Variants in EYA1 observed in about 807,000 individuals in gnomAD.
EYA1 encodes the protein protein phosphatase EYA1.
EYA1 carries 16 observed loss-of-function variants against 82.0 expected under a neutral mutation model. That is an observed-to-expected ratio of 0.20 (90% CI 0.13 to 0.30). The LOEUF (loss-of-function observed/expected upper bound fraction) is 0.30, where lower values mean the gene tolerates loss of function less well. Ranked by LOEUF, EYA1 falls within the 10% of genes least tolerant of loss-of-function variation. The probability of loss-of-function intolerance (pLI) is 1.00; values close to 1 mark genes in which losing one functional copy is unlikely to be tolerated. For synonymous variants in EYA1, 261 were observed against 264.4 expected, an observed-to-expected ratio of 0.99 and a Z score of 0.12; for missense variants, 633 against 730.7, an observed-to-expected ratio of 0.87 and a Z score of 1.54.
intron 1 of EYA1, among the ~76,000 whole-genome samples, chr8:71,539,411 G>A (rs1814970701): frequency 6.6e-6 from 1 of 152,168 alleles, no homozygotes; most frequent in Non-Finnish European, 1.5e-5. Flanking sequence ...ACAGCTCCAG[G>A]TGGTAGAGCG....
At chr8:71,322,469 G>C in intron 4 of EYA1, 1 of 584,020 alleles carries the variant, frequency 1.7e-6, no homozygotes. Flanking sequence ...AATAGAAACT[G>C]ATTAAGGGCT....
At chr8:71,399,693 A>G (rs762666603) in intron 2 of EYA1, among the ~76,000 whole-genome samples, 3 of 152,190 alleles carry the variant, frequency 2.0e-5, no homozygotes, top group Non-Finnish European at 4.4e-5. Flanking sequence ...GAAAGAATCA[A>G]TATTGTGAAA....
intron 2 of EYA1, among the ~76,000 whole-genome samples, chr8:71,473,329 C>T (rs1809376368): frequency 6.8e-6 from 1 of 146,270 alleles, no homozygotes; most frequent in Non-Finnish European, 1.5e-5. Flanking sequence ...TATCCAGAAT[C>T]TACAAAGAAC....
chr8:71,479,842 C>T (rs753637800), intron 2 of EYA1, among the ~76,000 whole-genome samples: 23 of 152,146 alleles, frequency 1.5e-4, no homozygotes, highest in Non-Finnish European at 2.8e-4. Flanking sequence ...CCATTAATAC[C>T]TGTCAGTGAG....
chr8:71,347,144 C>CTAAG (rs1159192105), intron 3 of EYA1, among the ~76,000 whole-genome samples: 1 of 152,090 alleles, frequency 6.6e-6, no homozygotes, highest in Non-Finnish European at 1.5e-5. Context: ...GGCTAGTGAC[C>CTAAG]TAAGCACTGC....
intron 3 of EYA1, 91 bp from the exon 4 acceptor site, chr8:71,334,265 G>A: frequency 9.7e-7 from 1 of 1,028,204 alleles, no homozygotes; most frequent in Non-Finnish European, 1.5e-6. Context: ...GTAATGACAA[G>A]AAAATCATTT....
At chr8:71,203,656 TTA>T (rs549771829) in intron 17 of EYA1, among the ~76,000 whole-genome samples, 43 of 152,278 alleles carry the variant, frequency 2.8e-4, no homozygotes, top group African/African-American at 1.0e-3. Context: ...ACTAAGGAGT[TTA>T]GACTTTTGTC....
At chr8:71,220,725 A>G (rs528403431) in intron 12 of EYA1, among the ~76,000 whole-genome samples, 131 of 152,330 alleles carry the variant, frequency 8.6e-4, no homozygotes, top group Middle Eastern at 3.4e-3. Context: ...GGAAACAAAA[A>G]AGTAGATGAG....
At chr8:71,208,558 G>A (rs966016955) in intron 17 of EYA1, among the ~76,000 whole-genome samples, 4 of 152,068 alleles carry the variant, frequency 2.6e-5, no homozygotes, top group African/African-American at 4.8e-5. Context: ...CCAACAAAAT[G>A]TATTGAGCAC....
intron 2 of EYA1, among the ~76,000 whole-genome samples, chr8:71,447,902 G>A (rs1053324978): frequency 9.2e-5 from 14 of 152,244 alleles, no homozygotes; most frequent in Non-Finnish European, 8.8e-5. Flanking sequence ...GGTTGGGATG[G>A]CTGTGGCAAT....
intron 11 of EYA1, among the ~76,000 whole-genome samples, chr8:71,252,002 A>G (rs2128917600): frequency 6.6e-6 from 1 of 152,210 alleles, no homozygotes; most frequent in African/African-American, 2.4e-5. Flanking sequence ...AAAATCTGTA[A>G]TTGGGTTTGA....
chr8:71,449,477 C>CT (rs1028518454), intron 2 of EYA1, among the ~76,000 whole-genome samples: 3 of 152,178 alleles, frequency 2.0e-5, no homozygotes, highest in Admixed American at 1.3e-4. Flanking sequence ...AAAAGGGAAT[C>CT]TTTTTTCCTG....
At chr8:71,527,796 G>A (rs1309707519) in intron 2 of EYA1, among the ~76,000 whole-genome samples, 1 of 152,080 alleles carries the variant, frequency 6.6e-6, no homozygotes, top group African/African-American at 2.4e-5. Flanking sequence ...CAACTTTCAT[G>A]CCATGTCTGC....
chr8:71,467,297 G>A (rs1808852741), intron 2 of EYA1, among the ~76,000 whole-genome samples: 1 of 151,942 alleles, frequency 6.6e-6, no homozygotes, highest in Non-Finnish European at 1.5e-5. Flanking sequence ...TTTTTTGTAA[G>A]ACAGTGTCTA....
At chr8:71,525,387 T>A (rs1306063762) in intron 2 of EYA1, among the ~76,000 whole-genome samples, 2 of 152,192 alleles carry the variant, frequency 1.3e-5, no homozygotes, top group African/African-American at 4.8e-5. Flanking sequence ...CTTAAGGAAA[T>A]TTCATGAATT....
intron 9 of EYA1, among the ~76,000 whole-genome samples, chr8:71,289,191 C>T (rs953765341): frequency 4.6e-5 from 7 of 152,114 alleles, no homozygotes; most frequent in African/African-American, 1.7e-4. Context: ...AGGTCCATGA[C>T]AGGTGACTAT....
intron 17 of EYA1, among the ~76,000 whole-genome samples, chr8:71,203,624 G>A (rs1057374544): frequency 6.6e-6 from 1 of 152,172 alleles, no homozygotes; most frequent in African/African-American, 2.4e-5. Context: ...GTTTGTCAAG[G>A]TAGCAGCACT....
In EYA1 at chr8:71,361,826, C is replaced by T. The variant is rs1586548652; in HGVS notation, c.-234G>A. On this transcript the variant is annotated 5_prime_UTR_variant, in exon 1 of 18. Coordinates refer to ENST00000340726, the MANE Select transcript of EYA1 (RefSeq NM_000503.6). ...CGCCTCTGCAGGGGAAAGCTCGGCG[C>T]AGGGGGCAGGCGCCTGGCCGCTGCC... 1.0e-6 allele frequency: 1 copy of T among 985,456 alleles called. No individual in the cohort carries two copies. Among genetic ancestry groups the T allele is most frequent in the Non-Finnish European group, 1.2e-6 (1 of 829,952 alleles). 61.0% of individuals were successfully genotyped at this position (985,456 alleles called of 1,614,324 possible). A position where few individuals can be genotyped will look rare whatever the true frequency, so the allele number is the denominator to read the frequency against.
chr8:71,381,219 G>A (rs1204315866), intron 2 of EYA1, among the ~76,000 whole-genome samples: 1 of 152,196 alleles, frequency 6.6e-6, no homozygotes, highest in Non-Finnish European at 1.5e-5. Flanking sequence ...TGCTTCTCAA[G>A]CACCTTTACT....
Sources: gnomAD v4.1 joint callset for allele counts (sites outside exome capture counted in the v4.1 genomes callset) on GRCh38, gnomAD v4.1.1 for gene constraint, MANE v1.5 for transcripts, NCBI Gene and HGNC (gene_info 2026-07-23, HGNC 2026-07-21) for gene names.